CPVL: variants seen among roughly 807,000 people sequenced by gnomAD.
CPVL encodes the protein probable serine carboxypeptidase CPVL.
In CPVL, 51 loss-of-function variants were observed where a neutral mutation model predicts 63.7. The observed-to-expected ratio is 0.80, with a 90% CI of 0.64 to 1.01. CPVL has a LOEUF of 1.01. Among genes scored for constraint, CPVL ranks in the 50% least tolerant of loss-of-function variants. The probability of loss-of-function intolerance (pLI) is 0.00; values close to 1 mark genes in which losing one functional copy is unlikely to be tolerated. For missense variants in CPVL, 530 were observed against 573.1 expected (o/e 0.92, Z 0.77); for synonymous variants, 195 against 206.0 (o/e 0.95, Z 0.46).
At position 29,023,083 on chromosome 7, in the gene CPVL, G is replaced by T. The variant is rs188009822; in HGVS notation, c.1320+7494C>A. On this transcript the variant is annotated intron_variant, in intron 12 of 12. Coordinates refer to ENST00000265394, the MANE Select transcript of CPVL (RefSeq NM_031311.5). ...GCCCACTACTGCTATCGCCATTGGT[G>T]ATGCCATGCACACTGCCCAGGAGTT... Among the ~76,000 whole-genome samples the T allele has an allele frequency of 2.0e-3, 303 of 152,320 alleles. 1 individual carries two copies. Among genetic ancestry groups the T allele is most frequent in the Non-Finnish European group, 3.7e-3 (254 of 68,028 alleles).
At chr7:29,069,374 G>A (rs1783483810) in intron 9 of CPVL, among the ~76,000 whole-genome samples, 1 of 150,644 alleles carries the variant, frequency 6.6e-6, no homozygotes, top group South Asian at 2.1e-4. Flanking sequence ...CTGGGAGGTG[G>A]AGGTTGCAGT....
intron 1 of CPVL, chr7:29,194,800 T>G: frequency 1.6e-6 from 1 of 622,846 alleles, no homozygotes; most frequent in Non-Finnish European, 2.4e-6. Flanking sequence ...GCAGGCAGAG[T>G]CCGGAGGCTG....
intron 12 of CPVL, among the ~76,000 whole-genome samples, chr7:29,014,146 T>C (rs1278665856): frequency 1.4e-4 from 22 of 152,182 alleles, no homozygotes; most frequent in Admixed American, 1.4e-3. Flanking sequence ...GTTTGATTAC[T>C]GTGTTCTGGT....
At chr7:29,072,006 T>G in intron 8 of CPVL, 102 bp from the exon 9 acceptor site, 1 of 1,430,474 alleles carries the variant, frequency 7.0e-7, no homozygotes, top group East Asian at 2.3e-5. Context: ...TTGTTAATAT[T>G]GTGCTGGTTA....
chr7:29,063,855 A>T (rs1197646510), intron 11 of CPVL, among the ~76,000 whole-genome samples: 1 of 152,174 alleles, frequency 6.6e-6, no homozygotes, highest in Non-Finnish European at 1.5e-5. Flanking sequence ...TACAGGTATA[A>T]GTCACCACAA....
rs1358255796 is a variant in CPVL at position 29,066,014 on chromosome 7, T to C, written c.963+9A>G. The C allele has an allele frequency of 6.7e-7, 1 of 1,499,142 alleles. No individual in the cohort carries two copies. Among genetic ancestry groups the C allele is most frequent in the Non-Finnish European group, 9.1e-7 (1 of 1,096,768 alleles). 92.9% of individuals were successfully genotyped at this position (1,499,142 alleles called of 1,614,324 possible). ...GCAAACATTATTATGGTTTTTAAAA[T>C]GTCATTACCGTGCACCGCAAAAAGT... On this transcript the variant is annotated intron_variant, in intron 10 of 12. Coordinates refer to ENST00000265394, the MANE Select transcript of CPVL (RefSeq NM_031311.5).
At chr7:29,033,579 C>T (rs1788240235) in intron 11 of CPVL, among the ~76,000 whole-genome samples, 1 of 152,248 alleles carries the variant, frequency 6.6e-6, no homozygotes, top group African/African-American at 2.4e-5. Context: ...CTGGAGCAAA[C>T]TTACCCCTAA....
chr7:29,068,383 A>G (rs2128570650), intron 9 of CPVL, among the ~76,000 whole-genome samples: 1 of 152,324 alleles, frequency 6.6e-6, no homozygotes, highest in Non-Finnish European at 1.5e-5. Flanking sequence ...GCTAGAGGCC[A>G]AGAATGAAAA....
chr7:29,089,786 G>A (rs1178536068), intron 6 of CPVL, among the ~76,000 whole-genome samples: 1 of 152,126 alleles, frequency 6.6e-6, no homozygotes, highest in Non-Finnish European at 1.5e-5. Flanking sequence ...TAGCCCTGCA[G>A]GAGCAGACAC....
chr7:29,158,759 G>T (rs1197363615), intron 5 of CPVL, among the ~76,000 whole-genome samples: 2 of 152,182 alleles, frequency 1.3e-5, no homozygotes. Flanking sequence ...GTAATCAAAT[G>T]TGAAAGAGAT....
intron 1 of CPVL, among the ~76,000 whole-genome samples, chr7:29,136,773 T>A (rs999328627): frequency 6.6e-6 from 1 of 152,192 alleles, no homozygotes; most frequent in African/African-American, 2.4e-5. Context: ...ACTAAACTTA[T>A]TATCTCCTTC....
chr7:29,061,853 G>A (rs532261887), intron 11 of CPVL, among the ~76,000 whole-genome samples: 158 of 151,972 alleles, frequency 1.0e-3, no homozygotes, highest in Non-Finnish European at 1.9e-3. Context: ...GGCTGAGGCA[G>A]GAGAATTGCT....
At chr7:29,194,674 C>T (rs1011906140) in intron 1 of CPVL, 29 of 364,570 alleles carry the variant, frequency 8.0e-5, no homozygotes, top group African/African-American at 5.5e-4. Context: ...CTCGGCCTCC[C>T]TCTGCTCCCA....
chr7:29,101,142 C>A (rs953987112), intron 3 of CPVL, among the ~76,000 whole-genome samples: 1 of 152,130 alleles, frequency 6.6e-6, no homozygotes. Context: ...TAAAAGACTT[C>A]CTGAACAAAA....
intron 1 of CPVL, among the ~76,000 whole-genome samples, chr7:29,129,187 C>CT (rs1333612376): frequency 1.3e-5 from 2 of 152,114 alleles, no homozygotes; most frequent in Non-Finnish European, 2.9e-5. Context: ...ATGACAAAGG[C>CT]TGGGGTCAAG....
chr7:29,168,220 ATTTG>A (rs951597893), intron 5 of CPVL, among the ~76,000 whole-genome samples: 25 of 152,086 alleles, frequency 1.6e-4, no homozygotes, highest in South Asian at 4.2e-4. Flanking sequence ...ATGTCGGTTT[ATTTG>A]TTTGTTTAAA....
intron 3 of CPVL, among the ~76,000 whole-genome samples, chr7:29,111,852 C>T (rs565225180): frequency 4.6e-5 from 7 of 152,338 alleles, no homozygotes; most frequent in African/African-American, 1.4e-4. Flanking sequence ...AAATAACACC[C>T]TCCATAGGGA....
Position 29,125,388 on chromosome 7 carries a change from CTTTT to C in CPVL, c.-10-4321_-10-4318del, listed in dbSNP as rs57975250. ...TCTCATCTGCTTTCCACTCTCCCGT[CTTTT>C]TTTTTTTTTTTTTTTTTTGAGACAG... On this transcript the variant is annotated intron_variant, in intron 1 of 12. Coordinates refer to ENST00000265394, the MANE Select transcript of CPVL (RefSeq NM_031311.5). Among the ~76,000 whole-genome samples, 149 of 74,162 alleles carry C rather than the reference CTTTT, an allele frequency of 2.0e-3. 1 individual carries two copies. Among genetic ancestry groups the C allele is most frequent in the African/African-American group, 7.0e-3 (135 of 19,222 alleles). The allele number at this position is 74,162 out of a possible 152,430, so 48.7% of individuals were successfully genotyped here. A position where few individuals can be genotyped will look rare whatever the true frequency, so the allele number is the denominator to read the frequency against.
At chr7:29,141,642 C>T (rs1048244838) in intron 1 of CPVL, among the ~76,000 whole-genome samples, 2 of 151,976 alleles carry the variant, frequency 1.3e-5, no homozygotes, top group Admixed American at 6.6e-5. Flanking sequence ...CTTGGCCGGG[C>T]GTTGTGGCTC....
Sources: gnomAD v4.1 joint callset for allele counts (sites outside exome capture counted in the v4.1 genomes callset) on GRCh38, gnomAD v4.1.1 for gene constraint, MANE v1.5 for transcripts, NCBI Gene and HGNC (gene_info 2026-07-23, HGNC 2026-07-21) for gene names.